Variants in RAPGEF6 observed in about 807,000 individuals in gnomAD.
RAPGEF6 encodes the protein PDZ domain containing guanine nucleotide exchange factor (GEF) 2.
In RAPGEF6, 56 loss-of-function variants were observed where a neutral mutation model predicts 171.4. The ratio of observed to expected loss-of-function variants is 0.33; its 90% CI spans 0.26 to 0.41. The LOEUF is 0.41. RAPGEF6 is among the 10% of genes least tolerant of loss of function. The pLI is 1.00. For synonymous variants in RAPGEF6, 692 were observed against 650.1 expected (o/e 1.06, Z -0.98); for missense variants, 1,674 against 1,921.4 (o/e 0.87, Z 2.41).
At chr5:131,570,934 C>T (rs928968066) in intron 4 of RAPGEF6, among the ~76,000 whole-genome samples, 4 of 150,162 alleles carry the variant, frequency 2.7e-5, no homozygotes, top group Non-Finnish European at 5.9e-5. Flanking sequence ...CGTCTTCATC[C>T]CCAACTACTT....
intron 1 of RAPGEF6, among the ~76,000 whole-genome samples, chr5:131,630,992 C>G (rs925112276): frequency 6.6e-6 from 1 of 152,184 alleles, no homozygotes; most frequent in Admixed American, 6.5e-5. Context: ...ACCACTCTCT[C>G]GGTTTTTCTC....
At chr5:131,546,281 A>G (rs1021525076) in intron 6 of RAPGEF6, among the ~76,000 whole-genome samples, 2 of 152,136 alleles carry the variant, frequency 1.3e-5, no homozygotes, top group African/African-American at 4.8e-5. Context: ...AAATGTGGGC[A>G]TACATTGTAC....
At chr5:131,443,024 G>A (rs543806490) in intron 22 of RAPGEF6, among the ~76,000 whole-genome samples, 1 of 151,752 alleles carries the variant, frequency 6.6e-6, no homozygotes, top group Non-Finnish European at 1.5e-5. Flanking sequence ...TGCAATCTTG[G>A]CTCCCAGGTT....
chr5:131,463,004 C>A (rs1487822936), intron 18 of RAPGEF6, among the ~76,000 whole-genome samples: 1 of 152,092 alleles, frequency 6.6e-6, no homozygotes, highest in Admixed American at 6.6e-5. Context: ...CTCATTTAAT[C>A]CTTACAACAT....
rs139852016 is a variant in RAPGEF6 at position 131,427,409 on chromosome 5, G to A, written c.4781-118C>T. ...AAGAAATCCTCTCAAACATTGCATC[G>A]AGGCCCAGATTTTATTATAATAATA... On this transcript the variant is annotated intron_variant, in intron 27 of 27. Transcript: ENST00000509018. 503 of 821,760 alleles carry A rather than the reference G, an allele frequency of 6.1e-4. 2 individuals carry two copies. The African/African-American group carries it at 7.1e-3, about 12-fold the overall frequency. The allele number at this position is 821,760 out of a possible 1,614,324, so 50.9% of individuals were successfully genotyped here. A position where few individuals can be genotyped will look rare whatever the true frequency, so the allele number is the denominator to read the frequency against.
intron 25 of RAPGEF6, among the ~76,000 whole-genome samples, chr5:131,431,565 G>A (rs554050022): frequency 6.6e-6 from 1 of 151,892 alleles, no homozygotes; most frequent in Non-Finnish European, 1.5e-5. Context: ...AAACTCTAAT[G>A]CTTAGCAAAA....
At position 131,499,379 on chromosome 5, in the gene RAPGEF6, A is replaced by C. The variant is rs372679273; in HGVS notation, c.1255-772T>G. Among the ~76,000 whole-genome samples the C allele has an allele frequency of 1.8e-4, 27 of 152,182 alleles. No individual in the cohort carries two copies. The South Asian group carries it at 5.0e-3, about 28-fold the overall frequency. ...GCAGAACACCTGAGGTCCACAGTTC[A>C]AGACCAGCCTGGCCAACATGGTGAA... On this transcript the variant is annotated intron_variant, in intron 11 of 27. Coordinates refer to ENST00000509018, the MANE Select transcript of RAPGEF6 (RefSeq NM_016340.6).
At chr5:131,505,333 CAAG>C (rs1439076226) in intron 10 of RAPGEF6, 28 bp downstream of exon 10, 3 of 1,609,692 alleles carry the variant, frequency 1.9e-6, no homozygotes, top group African/African-American at 2.7e-5. Context: ...AACCAACAGA[CAAG>C]AAGACTTGAC....
At chr5:131,483,072 G>T (rs1580895187) in intron 15 of RAPGEF6, among the ~76,000 whole-genome samples, 1 of 152,230 alleles carries the variant, frequency 6.6e-6, no homozygotes, top group Non-Finnish European at 1.5e-5. Context: ...AATTTGGCTG[G>T]GTGTGGTGGC....
chr5:131,464,247 C>T lies in RAPGEF6; in HGVS notation c.2274G>A (p.Val758=), dbSNP rs1037025460. ...TGATAATGTAGCAACTTTGCTGATCCACTTTGAAAACTCTTATAACTTGAT... is the reference window on the plus strand; with the variant it reads ...TGATAATGTAGCAACTTTGCTGATCTACTTTGAAAACTCTTATAACTTGAT... ...IPDQVIRVFK[V]DQQSCYIIIS... The change falls in exon 18 of 28, where the codon GTG becomes GTA. Residue 758 remains valine (V), a synonymous_variant. Coordinates refer to ENST00000509018, the MANE Select transcript of RAPGEF6 (RefSeq NM_016340.6). 6.2e-7 allele frequency: 1 copy of T among 1,612,780 alleles called. No individual in the cohort carries two copies. The highest frequency in any genetic ancestry group is 1.3e-5 in the African/African-American group (1 of 74,972).
intron 22 of RAPGEF6, 49 bp from the exon 23 acceptor site, chr5:131,442,586 T>A (rs1200499002): frequency 1.3e-6 from 2 of 1,597,462 alleles, no homozygotes; most frequent in Non-Finnish European, 1.7e-6. Context: ...TTAGGCAAGG[T>A]TATCACCACT....
intron 3 of RAPGEF6, among the ~76,000 whole-genome samples, chr5:131,595,313 C>T (rs928440436): frequency 8.5e-5 from 13 of 152,048 alleles, no homozygotes; most frequent in African/African-American, 2.4e-4. Context: ...GTAAGGAGTG[C>T]TTGTTTCCCC....
intron 13 of RAPGEF6, among the ~76,000 whole-genome samples, chr5:131,495,079 G>A (rs1003615315): frequency 1.3e-5 from 2 of 152,128 alleles, no homozygotes; most frequent in African/African-American, 4.8e-5. Flanking sequence ...CGGATCACGA[G>A]GTCAGGAGTT....
intron 3 of RAPGEF6, among the ~76,000 whole-genome samples, chr5:131,593,320 CATTCTT>C: frequency 6.6e-6 from 1 of 152,336 alleles, no homozygotes; most frequent in African/African-American, 2.4e-5. Flanking sequence ...ACAGAGAAAT[CATTCTT>C]ATTCTTCACA....
chr5:131,446,954 C>T (rs534426795), intron 21 of RAPGEF6: 7 of 420,716 alleles, frequency 1.7e-5, no homozygotes, highest in Non-Finnish European at 3.0e-5. Context: ...TTCCATCAGG[C>T]CTGTGTTTGT....
intron 19 of RAPGEF6, among the ~76,000 whole-genome samples, chr5:131,458,720 C>A (rs1753697904): frequency 6.6e-6 from 1 of 152,218 alleles, no homozygotes; most frequent in Admixed American, 6.5e-5. Flanking sequence ...GTGGCATGAT[C>A]TTGGCTTACT....
At chr5:131,591,211 A>G (rs1168975532) in intron 4 of RAPGEF6, among the ~76,000 whole-genome samples, 4 of 152,164 alleles carry the variant, frequency 2.6e-5, no homozygotes, top group African/African-American at 9.6e-5. Flanking sequence ...GTCTTACTTT[A>G]AAAGCCTAGA....
At chr5:131,548,224 C>T (rs1443026324) in intron 5 of RAPGEF6, 34 bp from the exon 6 acceptor site, 4 of 1,604,028 alleles carry the variant, frequency 2.5e-6, no homozygotes, top group Non-Finnish European at 2.6e-6. Flanking sequence ...GATGAAATAT[C>T]AAATTTTTCC....
intron 6 of RAPGEF6, among the ~76,000 whole-genome samples, chr5:131,544,073 T>C (rs796550936): frequency 9.3e-4 from 142 of 152,260 alleles, no homozygotes; most frequent in Middle Eastern, 3.4e-3. Context: ...GGTGAGGATG[T>C]GGAAACTGTC....
Sources: gnomAD v4.1 joint callset for allele counts (sites outside exome capture counted in the v4.1 genomes callset) on GRCh38, gnomAD v4.1.1 for gene constraint, MANE v1.5 for transcripts, NCBI Gene and HGNC (gene_info 2026-07-23, HGNC 2026-07-21) for gene names.